Variants in RSPO3 observed in about 807,000 individuals in gnomAD.
RSPO3 encodes R-spondin 3, also known as R-spondin-3.
RSPO3 carries 17 observed loss-of-function variants against 36.5 expected under a neutral mutation model. The ratio of observed to expected loss-of-function variants is 0.47; its 90% confidence interval spans 0.32 to 0.70. RSPO3 has a LOEUF of 0.70. RSPO3 is among the 30% of genes least tolerant of loss of function. The pLI, the probability that RSPO3 is intolerant of heterozygous loss-of-function variation, is 0.04. For synonymous variants in RSPO3, 108 were observed against 107.0 expected, an observed-to-expected ratio of 1.01 and a Z score of -0.06; for missense variants, 294 against 322.5, an observed-to-expected ratio of 0.91 and a Z score of 0.68.
intron 4 of RSPO3, among the ~76,000 whole-genome samples, chr6:127,194,989 T>C (rs921299683): frequency 1.9e-4 from 29 of 152,198 alleles, no homozygotes; most frequent in African/African-American, 7.2e-5. Flanking sequence ...CATACAAATA[T>C]TTATGTTAAA....
chr6:127,141,052 T>A (rs1341756247), intron 1 of RSPO3, among the ~76,000 whole-genome samples: 1 of 152,224 alleles, frequency 6.6e-6, no homozygotes, highest in Non-Finnish European at 1.5e-5. Context: ...ATCATTTGAT[T>A]CCTTGTTTAC....
chr6:127,197,326 T>A lies in RSPO3; in HGVS notation c.*1319T>A. The A allele has an allele frequency of 2.1e-6, 3 of 1,458,360 alleles. No homozygotes were observed. The highest frequency in any genetic ancestry group is 3.5e-4 in the Middle Eastern group (2 of 5,672). 90.3% of individuals were successfully genotyped at this position (1,458,360 alleles called of 1,614,324 possible). ...AGCTGATTTCACTGCTCCCCCTTCATTGCTTAGAAATGGGCATCATTTCTT... is the reference window on the plus strand; with the variant it reads ...AGCTGATTTCACTGCTCCCCCTTCAATGCTTAGAAATGGGCATCATTTCTT... On this transcript the variant is annotated 3_prime_UTR_variant, in exon 5 of 5. Transcript: ENST00000356698.
intron 4 of RSPO3, among the ~76,000 whole-genome samples, chr6:127,171,085 GAAGT>G (rs960385333): frequency 4.6e-5 from 7 of 151,844 alleles, no homozygotes; most frequent in Middle Eastern, 3.4e-3. Flanking sequence ...TGCCTCTATT[GAAGT>G]AAGGTCTAGC....
intron 4 of RSPO3, among the ~76,000 whole-genome samples, chr6:127,163,011 G>A (rs1353180512): frequency 2.6e-5 from 4 of 151,914 alleles, no homozygotes; most frequent in Admixed American, 6.6e-5. Flanking sequence ...TGAGTTAACC[G>A]GCCCTTTGGA....
At chr6:127,119,347 G>GC in intron 1 of RSPO3, 58 bp downstream of exon 1, 1 of 1,287,558 alleles carries the variant, frequency 7.8e-7, no homozygotes. Flanking sequence ...CTGTCGGGTC[G>GC]CTTTGCCTGT....
chr6:127,191,906 TG>T (rs1340525167), intron 4 of RSPO3, among the ~76,000 whole-genome samples: 4 of 152,196 alleles, frequency 2.6e-5, no homozygotes, highest in Non-Finnish European at 4.4e-5. Flanking sequence ...CCAGCTTCTA[TG>T]GGTAATATTC....
intron 4 of RSPO3, among the ~76,000 whole-genome samples, chr6:127,180,713 C>T (rs1000675453): frequency 6.6e-6 from 1 of 151,696 alleles, no homozygotes; most frequent in African/African-American, 2.4e-5. Context: ...CAGATTAAGG[C>T]TGTTCTATTA....
intron 4 of RSPO3, among the ~76,000 whole-genome samples, chr6:127,181,534 A>G (rs1428991679): frequency 6.6e-6 from 1 of 151,844 alleles, no homozygotes; most frequent in Non-Finnish European, 1.5e-5. Context: ...TACTCAGGGA[A>G]GGCTTCCTCA....
chr6:127,150,360 T>G (rs1403917876), intron 2 of RSPO3, 66 bp from the exon 3 acceptor site: 29 of 1,477,798 alleles, frequency 2.0e-5, no homozygotes, highest in South Asian at 5.0e-5. Context: ...GTCTGACACA[T>G]GTAGAACTGG....
chr6:127,154,235 T>C (rs1474228229), intron 3 of RSPO3, among the ~76,000 whole-genome samples: 1 of 152,184 alleles, frequency 6.6e-6, no homozygotes, highest in Non-Finnish European at 1.5e-5. Context: ...AAACTTCTTT[T>C]TGTGGAAAGA....
At chr6:127,147,201 G>A (rs1459172115) in intron 1 of RSPO3, among the ~76,000 whole-genome samples, 1 of 152,116 alleles carries the variant, frequency 6.6e-6, no homozygotes, top group Non-Finnish European at 1.5e-5. Context: ...CTGGTCAACC[G>A]AATGACCTCT....
chr6:127,150,688 C>A, intron 3 of RSPO3, 116 bp downstream of exon 3: 1 of 884,464 alleles, frequency 1.1e-6, no homozygotes, highest in Non-Finnish European at 1.7e-6. Context: ...CTCTTAAAGG[C>A]TGTCTCCATC....
intron 1 of RSPO3, among the ~76,000 whole-genome samples, chr6:127,126,876 C>T (rs1018938723): frequency 6.6e-6 from 1 of 152,038 alleles, no homozygotes; most frequent in African/African-American, 2.4e-5. Flanking sequence ...AAGCTCTCCC[C>T]CTTTTTCCTC....
At chr6:127,147,673 G>A (rs1774415133) in intron 1 of RSPO3, among the ~76,000 whole-genome samples, 1 of 152,144 alleles carries the variant, frequency 6.6e-6, no homozygotes, top group Non-Finnish European at 1.5e-5. Flanking sequence ...GCAAACATGA[G>A]TCTCCCAAAT....
At chr6:127,178,300 A>G (rs1193205476) in intron 4 of RSPO3, among the ~76,000 whole-genome samples, 1 of 151,740 alleles carries the variant, frequency 6.6e-6, no homozygotes, top group Non-Finnish European at 1.5e-5. Context: ...ATAACAGAAT[A>G]TGTGTCTTGA....
At chr6:127,139,892 G>C (rs934709926) in intron 1 of RSPO3, among the ~76,000 whole-genome samples, 1 of 151,920 alleles carries the variant, frequency 6.6e-6, no homozygotes, top group Non-Finnish European at 1.5e-5. Context: ...TTTTACACTC[G>C]TAGCAGAGTG....
At chr6:127,121,406 CCT>C (rs148682564) in intron 1 of RSPO3, among the ~76,000 whole-genome samples, 4,249 of 152,214 alleles carry the variant, frequency 0.028, 66 homozygotes, top group African/African-American at 0.049. Context: ...TCAAAGGAGA[CCT>C]CTGTTTGTGT....
chr6:127,151,646 C>T (rs1774493151), intron 3 of RSPO3, among the ~76,000 whole-genome samples: 1 of 151,900 alleles, frequency 6.6e-6, no homozygotes, highest in South Asian at 2.1e-4. Flanking sequence ...ACTTTTATTT[C>T]TAAACAATGT....
At chr6:127,119,494 G>C (rs559665078) in intron 1 of RSPO3, among the ~76,000 whole-genome samples, 33 of 152,324 alleles carry the variant, frequency 2.2e-4, no homozygotes, top group Middle Eastern at 3.4e-3. Context: ...CATCCTAGCC[G>C]GTGCGAGGGG....
Sources: gnomAD v4.1 joint callset for allele counts (sites outside exome capture counted in the v4.1 genomes callset) on GRCh38, gnomAD v4.1.1 for gene constraint, MANE v1.5 for transcripts, NCBI Gene and HGNC (gene_info 2026-07-23, HGNC 2026-07-21) for gene names.